WDR41: variants seen among roughly 807,000 people sequenced by gnomAD.
The protein encoded by WDR41 is WD repeat domain 41.
In WDR41, 63 loss-of-function variants were observed where a neutral mutation model predicts 69.3. The ratio of observed to expected loss-of-function variants is 0.91; its 90% confidence interval spans 0.74 to 1.12. The LOEUF is 1.12. Among genes scored for constraint, WDR41 ranks in the 50% most tolerant of loss-of-function variants. The probability of loss-of-function intolerance (pLI) is 0.00; values close to 1 mark genes in which losing one functional copy is unlikely to be tolerated. For synonymous variants in WDR41, 185 were observed against 192.1 expected (o/e 0.96, Z 0.31); for missense variants, 543 against 534.5 (o/e 1.02, Z -0.16).
chr5:77,443,286 C>G (rs1799247853), intron 8 of WDR41, among the ~76,000 whole-genome samples: 1 of 152,078 alleles, frequency 6.6e-6, no homozygotes, highest in African/African-American at 2.4e-5. Flanking sequence ...ATTAAAACAT[C>G]CTGTTACTTG....
chr5:77,463,214 GT>G lies in WDR41; in HGVS notation c.228del (p.Lys76AsnfsTer3), dbSNP rs1581722890. ...VVVWNAQTGE[K>X]LLELNGHTQK... ...TGAGTGTGTCCATTCAGTTCTAAAAGTTTTTCCCCTGTCTGAAATACCAATA... is the reference window on the plus strand; with the variant it reads ...TGAGTGTGTCCATTCAGTTCTAAAAGTTTTCCCCTGTCTGAAATACCAATA... On this transcript the variant is annotated frameshift_variant, in exon 4 of 13. Coordinates refer to ENST00000296679, the MANE Select transcript of WDR41 (RefSeq NM_018268.4). LOFTEE classifies it high-confidence loss of function. The G allele has an allele frequency of 1.9e-6, 3 of 1,606,176 alleles. No homozygotes were observed. Among genetic ancestry groups the G allele is most frequent in the East Asian group, 4.5e-5 (2 of 44,472 alleles).
intron 1 of WDR41, among the ~76,000 whole-genome samples, chr5:77,593,229 A>C (rs1744164080): frequency 6.6e-6 from 1 of 152,156 alleles, no homozygotes; most frequent in South Asian, 2.1e-4. Flanking sequence ...ATTTTACTCT[A>C]AGGATGATCA....
Position 77,479,575 on chromosome 5 carries a change from C to T in WDR41, c.167+9882G>A, listed in dbSNP as rs962000234. ...CTGACAAAAACAAGAAATGGGGAAA[C>T]GATTCCCTATTTAATAAATGGTGCT... On this transcript the variant is annotated intron_variant, in intron 2 of 12. Transcript: ENST00000296679. 2.1e-4 allele frequency among the ~76,000 whole-genome samples: 32 copies of T among 152,142 alleles called. No individual in the cohort carries two copies. In the South Asian group the frequency reaches 4.8e-3, roughly 23 times the overall value.
intron 1 of WDR41, among the ~76,000 whole-genome samples, chr5:77,583,747 C>T (rs976268424): frequency 1.3e-5 from 2 of 152,102 alleles, no homozygotes; most frequent in Non-Finnish European, 2.9e-5. Flanking sequence ...TTCCTCTCTC[C>T]CAACTCATTT....
chr5:77,600,929 A>ATG (rs71608111), intron 1 of WDR41, among the ~76,000 whole-genome samples: 15,716 of 144,084 alleles, frequency 0.11, 914 homozygotes, highest in East Asian at 0.26. Flanking sequence ...CTCTGTGTGT[A>ATG]TGTGTGTGTG....
intron 1 of WDR41, among the ~76,000 whole-genome samples, chr5:77,596,141 C>G (rs1223249775): frequency 6.6e-6 from 1 of 152,094 alleles, no homozygotes; most frequent in Non-Finnish European, 1.5e-5. Flanking sequence ...ACATTTAATC[C>G]TGATCTAAAA....
At chr5:77,565,391 A>T (rs1370196100) in intron 1 of WDR41, among the ~76,000 whole-genome samples, 1 of 152,032 alleles carries the variant, frequency 6.6e-6, no homozygotes, top group Non-Finnish European at 1.5e-5. Context: ...ACTTTTTCAG[A>T]TCTAATTTTT....
At chr5:77,540,415 G>A (rs997087783) in intron 1 of WDR41, 1 of 152,174 alleles carries the variant, frequency 6.6e-6, no homozygotes, top group Non-Finnish European at 1.5e-5. Flanking sequence ...GTAACGTAAT[G>A]ATCCTTTTAA....
At chr5:77,507,649 G>A (rs1011919294) in intron 1 of WDR41, among the ~76,000 whole-genome samples, 6 of 152,182 alleles carry the variant, frequency 3.9e-5, no homozygotes, top group South Asian at 2.1e-4. Context: ...TGTTACGGCT[G>A]TAATATTAGG....
chr5:77,455,075 G>C (rs910378435), intron 5 of WDR41, among the ~76,000 whole-genome samples: 1 of 152,090 alleles, frequency 6.6e-6, no homozygotes, highest in African/African-American at 2.4e-5. Flanking sequence ...TGTTTTCCAA[G>C]GTGGCTGTAT....
chr5:77,455,577 T>C (rs1309494680), intron 5 of WDR41, among the ~76,000 whole-genome samples: 4 of 152,226 alleles, frequency 2.6e-5, no homozygotes, highest in Admixed American at 2.0e-4. Flanking sequence ...TTTTTGTAGT[T>C]TCAGCTCTTA....
chr5:77,534,280 T>C (rs903384282), intron 1 of WDR41, among the ~76,000 whole-genome samples: 4 of 152,166 alleles, frequency 2.6e-5, no homozygotes, highest in South Asian at 2.1e-4. Flanking sequence ...ATTCAAACCA[T>C]AAAATTTCAG....
At position 77,431,273 on chromosome 5, in the gene WDR41, T is replaced by G. The variant is rs1477865915; in HGVS notation, c.*1862A>C. ...AGGAACTGCCACAGCCACCCCAACC[T>G]TCAGTAACCACCTTAGTCAACAGCC... is the stretch of plus-strand genomic sequence containing the variant. On this transcript the variant is annotated 3_prime_UTR_variant, in exon 13 of 13. Coordinates refer to ENST00000296679, the MANE Select transcript of WDR41 (RefSeq NM_018268.4). 1 of 152,484 alleles carries G rather than the reference T, an allele frequency of 6.6e-6. No individual in the cohort carries two copies. Among genetic ancestry groups the G allele is most frequent in the African/African-American group, 2.4e-5 (1 of 41,444 alleles). The allele number at this position is 152,484 out of a possible 1,614,324, so 9.4% of individuals were successfully genotyped here. A position where few individuals can be genotyped will look rare whatever the true frequency, so the allele number is the denominator to read the frequency against.
chr5:77,479,856 C>A (rs1801138933), intron 2 of WDR41, among the ~76,000 whole-genome samples: 1 of 151,300 alleles, frequency 6.6e-6, no homozygotes, highest in Non-Finnish European at 1.5e-5. Flanking sequence ...TTCTGCACAG[C>A]AAAAGAAACT....
chr5:77,483,350 G>A (rs558556855), intron 2 of WDR41, among the ~76,000 whole-genome samples: 14 of 151,828 alleles, frequency 9.2e-5, no homozygotes, highest in South Asian at 2.1e-4. Flanking sequence ...TGTTGCCCAC[G>A]CTAGCCTCAA....
At chr5:77,523,449 G>T (rs1386476556) in intron 1 of WDR41, among the ~76,000 whole-genome samples, 1 of 151,974 alleles carries the variant, frequency 6.6e-6, no homozygotes, top group African/African-American at 2.4e-5. Context: ...ACAAACAAAG[G>T]AGTAAAGGGA....
chr5:77,453,856 A>C lies in WDR41; in HGVS notation c.484T>G (p.Leu162Val), dbSNP rs752769984. Residue 162 changes from leucine to valine, a missense_variant, in exon 6 of 13, where the codon TTA (leucine) becomes GTA (valine). By Grantham distance (32) the Leu-to-Val change is conservative. Transcript: ENST00000296679. Reference protein sequence around the residue: ...GNDLCVWNRKLDLLCKTSHLS... With the variant: ...GNDLCVWNRKVDLLCKTSHLS... ...TGGCTAGTCTTACACAGGAGATCTA[A>C]TTTTCGGTTCCACACACACAGGTCA... 20 of 1,614,078 alleles carry C rather than the reference A, an allele frequency of 1.2e-5. 1 individual carries two copies. The South Asian group carries it at 2.2e-4, about 18-fold the overall frequency.
At chr5:77,537,358 C>T (rs1306114811) in intron 1 of WDR41, among the ~76,000 whole-genome samples, 1 of 152,212 alleles carries the variant, frequency 6.6e-6, no homozygotes, top group African/African-American at 2.4e-5. Flanking sequence ...TGCAGATCCA[C>T]ATGGGGAATC....
At chr5:77,454,302 AG>A (rs1452401590) in intron 5 of WDR41, among the ~76,000 whole-genome samples, 1 of 152,190 alleles carries the variant, frequency 6.6e-6, no homozygotes, top group East Asian at 1.9e-4. Context: ...GCCTCCTGGG[AG>A]GCAGCTCCTC....
Sources: gnomAD v4.1 joint callset for allele counts (sites outside exome capture counted in the v4.1 genomes callset) on GRCh38, gnomAD v4.1.1 for gene constraint, MANE v1.5 for transcripts, NCBI Gene and HGNC (gene_info 2026-07-23, HGNC 2026-07-21) for gene names.